LINGO2: variants seen among roughly 807,000 people sequenced by gnomAD.
LINGO2 encodes leucine rich repeat and Ig domain containing 2, also known as leucine-rich repeat and immunoglobulin-like domain-containing nogo receptor-interacting protein 2.
A neutral mutation model predicts 30.6 loss-of-function variants in LINGO2; 14 were observed. That is an observed-to-expected ratio of 0.46 (90% CI 0.30 to 0.72). The LOEUF is 0.72. LINGO2 is among the 30% of genes least tolerant of loss of function. LINGO2 has a pLI of 0.07. For synonymous variants in LINGO2, 317 were observed against 288.5 expected (o/e 1.10, Z -1.00); for missense variants, 729 against 751.7 (o/e 0.97, Z 0.35).
the LINGO2 span, among the ~76,000 whole-genome samples, chr9:28,790,790 TAATTTAA>T: frequency 6.6e-6 from 1 of 152,198 alleles, no homozygotes; most frequent in African/African-American, 2.4e-5. Context: ...GTATTGTTCC[TAATTTAA>T]AATTTAAACT....
At chr9:28,588,520 G>A (rs1300235980) in intron 1 of LINGO2, among the ~76,000 whole-genome samples, 1 of 151,880 alleles carries the variant, frequency 6.6e-6, no homozygotes, top group Non-Finnish European at 1.5e-5. Context: ...TGTGCTGGGA[G>A]CCTGGGGATG....
intron 2 of LINGO2, among the ~76,000 whole-genome samples, chr9:28,394,101 G>A (rs781184854): frequency 2.6e-5 from 4 of 151,934 alleles, no homozygotes; most frequent in South Asian, 2.1e-4. Context: ...TCTGTCTGAC[G>A]GAACCAAGAC....
chr9:29,182,622 T>A, the LINGO2 span, among the ~76,000 whole-genome samples: 1 of 151,946 alleles, frequency 6.6e-6, no homozygotes, highest in Admixed American at 6.6e-5. Flanking sequence ...GCCAACAGAT[T>A]ACTCTTTTTT....
chr9:27,991,847 A>C lies in LINGO2; in HGVS notation c.-36+20508T>G, dbSNP rs79594406. Among the ~76,000 whole-genome samples, 864 of 152,170 alleles carry C rather than the reference A, an allele frequency of 5.7e-3. 8 individuals carry two copies. Among genetic ancestry groups the C allele is most frequent in the African/African-American group, 0.02 (824 of 41,552 alleles). ...AAATAGGCAGTCATATTAAAATATTATATGTTTCAGTACCTGTCACTTTTC... is the reference window on the plus strand; with the variant it reads ...AAATAGGCAGTCATATTAAAATATTCTATGTTTCAGTACCTGTCACTTTTC... On this transcript the variant is annotated intron_variant, in intron 5 of 5. Transcript: ENST00000379992.
chr9:28,797,443 T>C, the LINGO2 span, among the ~76,000 whole-genome samples: 1 of 142,738 alleles, frequency 7.0e-6, no homozygotes, highest in African/African-American at 2.6e-5. Flanking sequence ...ACAGAAATGA[T>C]GACACTGATG....
chr9:28,076,317 A>C (rs1216151475), intron 4 of LINGO2, among the ~76,000 whole-genome samples: 3 of 152,030 alleles, frequency 2.0e-5, no homozygotes, highest in East Asian at 3.8e-4. Context: ...CCATTCTGTT[A>C]ATTGATACCA....
At chr9:28,282,107 C>T (rs1001789739) in intron 4 of LINGO2, among the ~76,000 whole-genome samples, 1 of 152,082 alleles carries the variant, frequency 6.6e-6, no homozygotes, top group African/African-American at 2.4e-5. Flanking sequence ...TTTGATTAGA[C>T]TTGGGAAGTA....
At chr9:28,389,762 C>A (rs1587598311) in intron 2 of LINGO2, among the ~76,000 whole-genome samples, 1 of 152,160 alleles carries the variant, frequency 6.6e-6, no homozygotes. Flanking sequence ...AATCTAGAAA[C>A]TATTTTGCAT....
At chr9:28,055,735 A>C (rs1004884089) in intron 4 of LINGO2, among the ~76,000 whole-genome samples, 2 of 152,190 alleles carry the variant, frequency 1.3e-5, no homozygotes, top group East Asian at 3.9e-4. Context: ...ATATGTACTC[A>C]AAGACAAGTC....
chr9:28,947,820 C>T, the LINGO2 span, among the ~76,000 whole-genome samples: 1 of 151,792 alleles, frequency 6.6e-6, no homozygotes, highest in Non-Finnish European at 1.5e-5. Context: ...CCTCTTACCA[C>T]AACATGAAGC....
At chr9:28,167,691 G>A (rs1828471007) in intron 4 of LINGO2, among the ~76,000 whole-genome samples, 1 of 152,110 alleles carries the variant, frequency 6.6e-6, no homozygotes, top group Non-Finnish European at 1.5e-5. Context: ...CCCACCTATT[G>A]TCTAATTTTT....
At chr9:28,797,942 A>G in the LINGO2 span, among the ~76,000 whole-genome samples, 2 of 152,114 alleles carry the variant, frequency 1.3e-5, no homozygotes, top group African/African-American at 4.8e-5. Flanking sequence ...AAAAACCAGG[A>G]GAATATGTAC....
intron 1 of LINGO2, among the ~76,000 whole-genome samples, chr9:28,555,016 T>C (rs1489536961): frequency 2.2e-5 from 3 of 137,976 alleles, no homozygotes; most frequent in Non-Finnish European, 4.6e-5. Flanking sequence ...GGGAAATTTA[T>C]AGCACTAAAT....
At chr9:28,142,503 A>T (rs1222091055) in intron 4 of LINGO2, among the ~76,000 whole-genome samples, 2 of 152,160 alleles carry the variant, frequency 1.3e-5, no homozygotes, top group Admixed American at 1.3e-4. Context: ...TGTCCATAGC[A>T]AAGGGTCTGG....
chr9:28,166,811 G>A (rs1316301460), intron 4 of LINGO2, among the ~76,000 whole-genome samples: 1 of 151,696 alleles, frequency 6.6e-6, no homozygotes, highest in Non-Finnish European at 1.5e-5. Flanking sequence ...AAAAAAATCA[G>A]AGTGAATTTA....
At chr9:28,518,768 C>T (rs2135392094) in intron 1 of LINGO2, among the ~76,000 whole-genome samples, 1 of 152,254 alleles carries the variant, frequency 6.6e-6, no homozygotes, top group African/African-American at 2.4e-5. Context: ...CTTCGTTGGG[C>T]CTACATTTCC....
chr9:28,608,657 G>A (rs956670745), intron 1 of LINGO2, among the ~76,000 whole-genome samples: 1 of 151,688 alleles, frequency 6.6e-6, no homozygotes, highest in African/African-American at 2.4e-5. Flanking sequence ...ATTATTGTAG[G>A]GTAGGTCTTT....
chr9:29,156,279 T>C, the LINGO2 span, among the ~76,000 whole-genome samples: 1 of 152,098 alleles, frequency 6.6e-6, no homozygotes, highest in Non-Finnish European at 1.5e-5. Context: ...CCCATTAGAC[T>C]TTTCACAATA....
intron 4 of LINGO2, among the ~76,000 whole-genome samples, chr9:28,292,020 C>T (rs543544070): frequency 6.7e-6 from 1 of 150,338 alleles, no homozygotes; most frequent in African/African-American, 2.4e-5. Flanking sequence ...CTTTAAAGTG[C>T]TTATGGGGGA....
Sources: allele counts gnomAD v4.1 joint callset (sites outside exome capture counted in the v4.1 genomes callset), GRCh38; gene constraint gnomAD v4.1.1; transcripts MANE v1.5; gene names NCBI Gene and HGNC (gene_info 2026-07-23, HGNC 2026-07-21).